Variants in DIP2C observed in about 807,000 individuals in gnomAD.
DIP2C encodes the protein DIP2 acetate--CoA ligase C (putative).
A neutral mutation model predicts 192.4 loss-of-function variants in DIP2C; 33 were observed. That is an observed-to-expected ratio of 0.17 (90% CI 0.13 to 0.23). The LOEUF is 0.23. Among genes scored for constraint, DIP2C ranks in the 10% least tolerant of loss-of-function variants. The pLI, the probability that DIP2C is intolerant of heterozygous loss-of-function variation, is 1.00. For synonymous variants in DIP2C, 979 were observed against 864.1 expected (o/e 1.13, Z -2.33); for missense variants, 1,537 against 2,110.1 (o/e 0.73, Z 5.32).
At chr10:565,799 C>T (rs376799460) in intron 1 of DIP2C, among the ~76,000 whole-genome samples, 1 of 152,264 alleles carries the variant, frequency 6.6e-6, no homozygotes, top group South Asian at 2.1e-4. Context: ...AGGAGTTACC[C>T]TCTCAGGCTG....
chr10:549,657 A>AG (rs1336550315), intron 1 of DIP2C, among the ~76,000 whole-genome samples: 1 of 151,766 alleles, frequency 6.6e-6, no homozygotes, highest in East Asian at 1.9e-4. Context: ...TTCAGAGCGG[A>AG]GGGCCCCCCC....
chr10:462,125 GAAGA>G (rs1969833887), intron 3 of DIP2C, among the ~76,000 whole-genome samples: 1 of 151,906 alleles, frequency 6.6e-6, no homozygotes, highest in Admixed American at 6.6e-5. Flanking sequence ...AAGAACTAGA[GAAGA>G]AAGAGCAAAC....
At position 414,705 on chromosome 10, in the gene DIP2C, GTA is replaced by G. The variant is rs1460682366; in HGVS notation, c.860-597_860-596del. ...GCCCAGCTAATTTTAGAGTGTGTATGTATGTGTGTGTGTGTGTGTGTGTGTGT... is the reference window on the plus strand; with the variant it reads ...GCCCAGCTAATTTTAGAGTGTGTATGTGTGTGTGTGTGTGTGTGTGTGTGT... On this transcript the variant is annotated intron_variant, in intron 7 of 36. Transcript: ENST00000280886. Among the ~76,000 whole-genome samples the G allele has an allele frequency of 5.3e-3, 505 of 94,668 alleles. 6 individuals are homozygous for G. Among genetic ancestry groups the G allele is most frequent in the Admixed American group, 9.2e-3 (81 of 8,790 alleles). 62.1% of individuals were successfully genotyped at this position (94,668 alleles called of 152,430 possible).
chr10:653,278 G>C (rs917901961), intron 1 of DIP2C, among the ~76,000 whole-genome samples: 1 of 151,950 alleles, frequency 6.6e-6, no homozygotes, highest in African/African-American at 2.4e-5. Flanking sequence ...GTGAGACCCC[G>C]TCTCTACTAA....
chr10:649,663 A>T (rs1230520888), intron 1 of DIP2C, among the ~76,000 whole-genome samples: 2 of 152,244 alleles, frequency 1.3e-5, no homozygotes, highest in Admixed American at 6.5e-5. Context: ...AAGTCAGAAC[A>T]GTGTGTGCTA....
chr10:547,240 C>G (rs1848333360), intron 1 of DIP2C, among the ~76,000 whole-genome samples: 1 of 152,204 alleles, frequency 6.6e-6, no homozygotes, highest in Non-Finnish European at 1.5e-5. Context: ...ATCGCGAGGC[C>G]ACAGCCTTGG....
At chr10:478,550 C>G (rs1378560078) in intron 2 of DIP2C, among the ~76,000 whole-genome samples, 1 of 150,620 alleles carries the variant, frequency 6.6e-6, no homozygotes, top group Non-Finnish European at 1.5e-5. Context: ...GGGGTGTAGA[C>G]ACATCCAAAT....
At chr10:494,424 A>G (rs1844666887) in intron 1 of DIP2C, among the ~76,000 whole-genome samples, 1 of 152,202 alleles carries the variant, frequency 6.6e-6, no homozygotes, top group Admixed American at 6.5e-5. Flanking sequence ...CTATTTTAGA[A>G]GCACACACTC....
chr10:504,545 G>A (rs892634851), intron 1 of DIP2C, among the ~76,000 whole-genome samples: 11 of 151,860 alleles, frequency 7.2e-5, no homozygotes, highest in Non-Finnish European at 1.3e-4. Flanking sequence ...AAGCACCCAC[G>A]GCTCCGTGAC....
At chr10:483,550 G>A (rs971950384) in intron 2 of DIP2C, among the ~76,000 whole-genome samples, 14 of 152,316 alleles carry the variant, frequency 9.2e-5, no homozygotes, top group African/African-American at 2.2e-4. Flanking sequence ...TCAATCAGGC[G>A]GCCCGGGCCG....
chr10:476,094 C>T (rs765639545), intron 2 of DIP2C, among the ~76,000 whole-genome samples: 6 of 152,174 alleles, frequency 3.9e-5, no homozygotes, highest in Non-Finnish European at 8.8e-5. Context: ...TGACAGAAGG[C>T]GTGGTCAGGG....
rs201941178 is a variant in DIP2C, at chr10:303,521, CTTT to C, written c.3986+6507_3986+6509del. Among the ~76,000 whole-genome samples, 142 of 148,076 alleles carry C rather than the reference CTTT, an allele frequency of 9.6e-4. 2 individuals carry two copies. Among genetic ancestry groups the C allele is most frequent in the Middle Eastern group, 3.5e-3 (1 of 284 alleles). On this transcript the variant is annotated intron_variant, in intron 32 of 36. Transcript: ENST00000280886. ...CAAGTTTTCTATTAAAAGTTTTTTA[CTTT>C]TTTTTTTTCTTTTTTTGAGACAGAG...
chr10:522,934 G>A (rs2130823267), intron 1 of DIP2C, among the ~76,000 whole-genome samples: 1 of 148,312 alleles, frequency 6.7e-6, no homozygotes, highest in Admixed American at 6.7e-5. Context: ...TGGAGTGAGG[G>A]AACTGTGTGT....
intron 14 of DIP2C, 66 bp from the exon 15 acceptor site, chr10:384,705 A>AGT: frequency 2.0e-6 from 3 of 1,532,590 alleles, no homozygotes; most frequent in Non-Finnish European, 2.7e-6. Flanking sequence ...GCTCTCACCC[A>AGT]GTGGCATGGA....
chr10:455,473 A>G (rs112200136), intron 3 of DIP2C, among the ~76,000 whole-genome samples: 8 of 88,900 alleles, frequency 9.0e-5, no homozygotes, highest in Admixed American at 3.3e-4. Context: ...AACACTCTGC[A>G]GTGAGTCCCT....
chr10:477,751 A>C (rs1564762383), intron 2 of DIP2C, among the ~76,000 whole-genome samples: 1 of 107,254 alleles, frequency 9.3e-6, no homozygotes, highest in Non-Finnish European at 2.1e-5. Context: ...ACGAGAAAGA[A>C]AAGGAGAGAG....
At chr10:384,430 G>A in intron 15 of DIP2C, 116 bp downstream of exon 15, 2 of 1,071,726 alleles carry the variant, frequency 1.9e-6, no homozygotes, top group Non-Finnish European at 1.4e-6. Context: ...TAGAAACGGG[G>A]TTTCTCCATA....
chr10:324,702 T>C (rs957080556), intron 31 of DIP2C: 12 of 247,804 alleles, frequency 4.8e-5, no homozygotes, highest in Middle Eastern at 4.4e-4. Flanking sequence ...CAAGAACATA[T>C]TGCCATTTCC....
At chr10:510,845 T>C (rs560610889) in intron 1 of DIP2C, among the ~76,000 whole-genome samples, 2 of 152,316 alleles carry the variant, frequency 1.3e-5, no homozygotes, top group East Asian at 3.9e-4. Flanking sequence ...GATATCTAAA[T>C]TGACCCAATA....
Sources: gnomAD v4.1 joint callset for allele counts (sites outside exome capture counted in the v4.1 genomes callset) on GRCh38, gnomAD v4.1.1 for gene constraint, MANE v1.5 for transcripts, NCBI Gene and HGNC (gene_info 2026-07-23, HGNC 2026-07-21) for gene names.